Variants in RPGRIP1L observed in about 807,000 individuals in gnomAD.
RPGRIP1L encodes the protein RPGRIP1 like.
Under a neutral mutation model 160.4 loss-of-function variants are expected in RPGRIP1L, and 131 were observed. The ratio of observed to expected loss-of-function variants is 0.82; its 90% CI spans 0.71 to 0.94. The LOEUF (loss-of-function observed/expected upper bound fraction) is 0.94, where lower values mean the gene tolerates loss of function less well. Ranked by LOEUF, RPGRIP1L falls within the 40% of genes least tolerant of loss-of-function variation. The pLI, the probability that RPGRIP1L is intolerant of heterozygous loss-of-function variation, is 0.00. For missense variants in RPGRIP1L, 1,522 were observed against 1,535.8 expected (o/e 0.99, Z 0.15); for synonymous variants, 510 against 515.8 (o/e 0.99, Z 0.15).
chr16:53,614,601 G>C (rs1964243607), intron 24 of RPGRIP1L, among the ~76,000 whole-genome samples: 1 of 152,082 alleles, frequency 6.6e-6, no homozygotes, highest in African/African-American at 2.4e-5. Context: ...CACTTTGGCT[G>C]CCTCTGATTA....
intron 21 of RPGRIP1L, among the ~76,000 whole-genome samples, chr16:53,637,398 A>G (rs1965908079): frequency 6.6e-6 from 1 of 152,188 alleles, no homozygotes; most frequent in African/African-American, 2.4e-5. Context: ...ACGCTAATGC[A>G]AATAATAATA....
chr16:53,629,748 T>C (rs769206649), intron 22 of RPGRIP1L, among the ~76,000 whole-genome samples: 2 of 152,214 alleles, frequency 1.3e-5, no homozygotes, highest in Non-Finnish European at 2.9e-5. Context: ...TTTTTTTTTC[T>C]GTAAAAGGAT....
At chr16:53,624,846 G>A (rs939916082) in intron 22 of RPGRIP1L, among the ~76,000 whole-genome samples, 5 of 142,150 alleles carry the variant, frequency 3.5e-5, no homozygotes, top group East Asian at 2.2e-4. Flanking sequence ...CCGCGATCTC[G>A]GCTCGCTGCA....
rs1971371549 is a variant in RPGRIP1L at position 53,701,290 on chromosome 16, T to C, written c.-7-560A>G. Among the ~76,000 whole-genome samples the C allele has an allele frequency of 2.0e-5, 3 of 152,022 alleles. No homozygotes were observed. The South Asian group carries it at 6.2e-4, about 32-fold the overall frequency. On this transcript the variant is annotated intron_variant, in intron 1 of 26. Transcript: ENST00000647211. ...AAATGAGTGGGCAGTTCTGTGCATTTTGTGAGTTTTGTGAAAGAGGTTTCG... is the reference window on the plus strand; with the variant it reads ...AAATGAGTGGGCAGTTCTGTGCATTCTGTGAGTTTTGTGAAAGAGGTTTCG...
At chr16:53,624,937 T>C (rs1345253971) in intron 22 of RPGRIP1L, among the ~76,000 whole-genome samples, 1 of 152,120 alleles carries the variant, frequency 6.6e-6, no homozygotes, top group African/African-American at 2.4e-5. Flanking sequence ...GACTGGTTTT[T>C]GTATTTTTGG....
chr16:53,606,075 G>A (rs1022135359), intron 25 of RPGRIP1L, among the ~76,000 whole-genome samples: 2 of 152,172 alleles, frequency 1.3e-5, no homozygotes, highest in African/African-American at 4.8e-5. Flanking sequence ...AACTGTATGT[G>A]TTCTACAAAA....
chr16:53,658,325 C>A (rs1337728082), intron 12 of RPGRIP1L, 89 bp downstream of exon 12: 3 of 951,586 alleles, frequency 3.2e-6, no homozygotes, highest in African/African-American at 1.6e-5. Flanking sequence ...AATTCATTCT[C>A]CAAATGTAAG....
At position 53,687,854 on chromosome 16, in the gene RPGRIP1L, A is replaced by G. The variant is rs1970128165; in HGVS notation, c.632+9T>C. The G allele has an allele frequency of 6.6e-7, 1 of 1,523,284 alleles. No homozygotes were observed. The allele number at this position is 1,523,284 out of a possible 1,614,324, so 94.4% of individuals were successfully genotyped here. ...AAGTTCTCAAATTACCACAAAAAAG[A>G]ACACATACAAATTTCTTATTTCTCC... On this transcript the variant is annotated intron_variant, in intron 5 of 26. Transcript: ENST00000647211.
chr16:53,648,853 A>C, intron 16 of RPGRIP1L, 111 bp downstream of exon 16: 1 of 1,014,016 alleles, frequency 9.9e-7, no homozygotes, highest in Non-Finnish European at 1.5e-6. Flanking sequence ...ATAAAAGTTA[A>C]AAAAAGACAC....
intron 4 of RPGRIP1L, 79 bp downstream of exon 4, chr16:53,691,987 G>C: frequency 7.4e-7 from 1 of 1,344,700 alleles, no homozygotes; most frequent in Non-Finnish European, 1.1e-6. Context: ...GCGTAATACA[G>C]AAGTAAAACT....
In RPGRIP1L at chr16:53,605,613, G is replaced by A; in HGVS notation, c.3703C>T (p.Leu1235Phe). ...LQKQEMPNRSLRFTVVSDPPE... is the reference protein window; with the variant it reads ...LQKQEMPNRSFRFTVVSDPPE... The stretch of plus-strand genomic sequence containing the variant: ...GGGTCACTGACCACGGTGAAGCGAA[G>A]GCTGGTAAGGCAGAGATCAGAGAAA... Residue 1235 changes from leucine to phenylalanine, a missense_variant and splice_region_variant, in exon 26 of 27, where the codon CTT becomes TTT. Leu to Phe is a conservative substitution (Grantham distance 22, BLOSUM62 0). Transcript: ENST00000647211. 3 of 1,613,948 alleles carry A rather than the reference G, an allele frequency of 1.9e-6. No individual in the cohort carries two copies. The South Asian group carries it at 3.3e-5, about 18-fold the overall frequency.
At position 53,600,337 on chromosome 16, in the gene RPGRIP1L, G is replaced by A. The variant is rs1348340729; in HGVS notation, c.*1739C>T. The stretch of plus-strand genomic sequence containing the variant: ...CCGAAGTGACAACAAACATGTGGTT[G>A]TTTACTAGGACTGGAGAGGTTTAGT... On this transcript the variant is annotated 3_prime_UTR_variant, in exon 27 of 27. Coordinates refer to ENST00000647211, the MANE Select transcript of RPGRIP1L (RefSeq NM_015272.5). 6.6e-6 allele frequency: 1 copy of A among 152,624 alleles called. No homozygotes were observed. Among genetic ancestry groups the A allele is most frequent in the East Asian group, 1.9e-4 (1 of 5,196 alleles). 9.5% of individuals were successfully genotyped at this position (152,624 alleles called of 1,614,324 possible). A position where few individuals can be genotyped will look rare whatever the true frequency, so the allele number is the denominator to read the frequency against.
chr16:53,624,833 C>T (rs1327743416), intron 22 of RPGRIP1L, among the ~76,000 whole-genome samples: 10 of 142,458 alleles, frequency 7.0e-5, no homozygotes, highest in African/African-American at 2.6e-4. Context: ...CTGGACTGTA[C>T]TGCCGCGATC....
intron 10 of RPGRIP1L, among the ~76,000 whole-genome samples, chr16:53,661,970 T>G (rs1967834065): frequency 6.6e-6 from 1 of 152,190 alleles, no homozygotes; most frequent in Non-Finnish European, 1.5e-5. Context: ...CTCCTGGGTC[T>G]TTAAAAAGTA....
chr16:53,648,728 T>C (rs1468017477), intron 16 of RPGRIP1L, among the ~76,000 whole-genome samples: 1 of 152,056 alleles, frequency 6.6e-6, no homozygotes, highest in Non-Finnish European at 1.5e-5. Context: ...GTCCCGATTT[T>C]GAAATTATTC....
chr16:53,678,951 T>C (rs1187180195), intron 6 of RPGRIP1L, among the ~76,000 whole-genome samples: 1 of 152,218 alleles, frequency 6.6e-6, no homozygotes, highest in African/African-American at 2.4e-5. Context: ...CCCCTATGAC[T>C]AGGGCTACAG....
Position 53,611,309 on chromosome 16 carries a change from C to T in RPGRIP1L, c.3617-258G>A, listed in dbSNP as rs117014138. Among the ~76,000 whole-genome samples, 28 of 152,312 alleles carry T rather than the reference C, an allele frequency of 1.8e-4. No individual in the cohort carries two copies. The East Asian group carries it at 4.2e-3, about 23-fold the overall frequency. The stretch of plus-strand genomic sequence containing the variant: ...GCAACATCTAAGAGTGCCACATCAC[C>T]GTCACTGCCTGTTAATGGCACTGGC... On this transcript the variant is annotated intron_variant, in intron 24 of 26. Transcript: ENST00000647211.
intron 6 of RPGRIP1L, among the ~76,000 whole-genome samples, chr16:53,675,541 G>A (rs1800010669): frequency 6.6e-6 from 1 of 152,088 alleles, no homozygotes. Flanking sequence ...TGAAAAATAT[G>A]CAATACAGCC....
intron 24 of RPGRIP1L, 102 bp downstream of exon 24, chr16:53,618,923 T>C (rs1253865848): frequency 1.4e-5 from 13 of 953,382 alleles, no homozygotes; most frequent in Non-Finnish European, 1.9e-5. Flanking sequence ...CATGAATTTA[T>C]GTGAATATTA....
Sources: gnomAD v4.1 joint callset for allele counts (sites outside exome capture counted in the v4.1 genomes callset) on GRCh38, gnomAD v4.1.1 for gene constraint, MANE v1.5 for transcripts, NCBI Gene and HGNC (gene_info 2026-07-23, HGNC 2026-07-21) for gene names.